The following AKAP13 variants were observed in gnomAD, a reference collection of about 807,000 sequenced individuals.
AKAP13 encodes the protein A-kinase anchor protein 13.
Under a neutral mutation model 264.5 loss-of-function variants are expected in AKAP13, and 80 were observed. That is an observed-to-expected ratio of 0.30 (90% CI 0.25 to 0.36). AKAP13 has a LOEUF of 0.36. Among genes scored for constraint, AKAP13 ranks in the 10% least tolerant of loss-of-function variants. The pLI is 1.00. For missense variants in AKAP13, 3,712 were observed against 3,435.2 expected (o/e 1.08, Z -2.01); for synonymous variants, 1,380 against 1,250.2 (o/e 1.10, Z -2.19).
chr15:85,389,633 G>A (rs933079217), intron 1 of AKAP13, among the ~76,000 whole-genome samples: 3 of 152,190 alleles, frequency 2.0e-5, no homozygotes, highest in African/African-American at 7.2e-5. Flanking sequence ...AAATAACAAA[G>A]AAGTATTTGT....
chr15:85,481,982 A>G (rs1254265545), intron 1 of AKAP13, among the ~76,000 whole-genome samples: 7 of 152,364 alleles, frequency 4.6e-5, no homozygotes, highest in Non-Finnish European at 2.9e-5. Flanking sequence ...AAAGACTTTC[A>G]GTTGTTCTTG....
At chr15:85,631,670 G>C (rs964431109) in intron 8 of AKAP13, among the ~76,000 whole-genome samples, 1 of 152,196 alleles carries the variant, frequency 6.6e-6, no homozygotes, top group Admixed American at 6.5e-5. Context: ...ACCAGTGTTG[G>C]TTTCTTAGTA....
At chr15:85,511,586 T>C (rs2076424063) in intron 2 of AKAP13, among the ~76,000 whole-genome samples, 2 of 152,204 alleles carry the variant, frequency 1.3e-5, no homozygotes, top group Admixed American at 1.3e-4. Flanking sequence ...TGAGGCTTAC[T>C]ATCTTCCAGT....
At position 85,574,517 on chromosome 15, in the gene AKAP13, TTTAAC is replaced by T. The variant is rs531706934; in HGVS notation, c.663-611_663-607del. ...TGCTTGTTTTTTAAATTTTACGAAT[TTTAAC>T]TTTAAGTTCTTGGAACCAAGTGCTT... On this transcript the variant is annotated intron_variant, in intron 5 of 36. Transcript: ENST00000394518. 7.2e-5 allele frequency among the ~76,000 whole-genome samples: 11 copies of T among 152,360 alleles called. No homozygotes were observed. The South Asian group carries it at 2.3e-3, about 32-fold the overall frequency.
intron 1 of AKAP13, chr15:85,415,603 C>T: frequency 2.1e-6 from 3 of 1,438,852 alleles, no homozygotes; most frequent in Non-Finnish European, 2.9e-6. Context: ...AACAGTGTCA[C>T]CTGTACTCGG....
At chr15:85,453,998 G>C (rs1332265346) in intron 1 of AKAP13, among the ~76,000 whole-genome samples, 2 of 152,254 alleles carry the variant, frequency 1.3e-5, no homozygotes, top group Non-Finnish European at 2.9e-5. Context: ...GAATGGCAAA[G>C]ATGGTGGCCC....
intron 10 of AKAP13, among the ~76,000 whole-genome samples, chr15:85,653,089 C>T (rs1009520859): frequency 6.6e-6 from 1 of 152,118 alleles, no homozygotes; most frequent in Admixed American, 6.5e-5. Context: ...AAAGTTGCCC[C>T]GTGAATAGGA....
chr15:85,694,188 T>G (rs947614385), intron 17 of AKAP13, among the ~76,000 whole-genome samples: 10 of 152,266 alleles, frequency 6.6e-5, no homozygotes, highest in African/African-American at 2.4e-4. Flanking sequence ...TTACCAACAT[T>G]AAGCCATAGT....
At chr15:85,723,051 G>T in intron 25 of AKAP13, 21 bp from the exon 26 acceptor site, 1 of 1,607,278 alleles carries the variant, frequency 6.2e-7, no homozygotes, top group South Asian at 1.1e-5. Flanking sequence ...ATAAAAAACA[G>T]AATTATTCTT....
chr15:85,412,735 A>C (rs139794417), intron 1 of AKAP13, among the ~76,000 whole-genome samples: 2 of 152,332 alleles, frequency 1.3e-5, no homozygotes, highest in African/African-American at 4.8e-5. Flanking sequence ...AAATAAGCTG[A>C]TCCTCATGAA....
intron 5 of AKAP13, among the ~76,000 whole-genome samples, chr15:85,555,204 C>T (rs1483895598): frequency 6.6e-6 from 1 of 152,148 alleles, no homozygotes; most frequent in Non-Finnish European, 1.5e-5. Context: ...CCCCCTACCC[C>T]TTTCTGGCAT....
rs1260286503 is a variant in AKAP13 at position 85,512,812 on chromosome 15, T to TG, written c.34-8616_34-8615insG. Among the ~76,000 whole-genome samples, 7 of 138,006 alleles carry TG rather than the reference T, an allele frequency of 5.1e-5. 1 individual carries two copies. The highest frequency in any genetic ancestry group is 1.1e-4 in the Non-Finnish European group (7 of 63,658). 90.5% of individuals were successfully genotyped at this position (138,006 alleles called of 152,430 possible). A position where few individuals can be genotyped will look rare whatever the true frequency, so the allele number is the denominator to read the frequency against. On this transcript the variant is annotated intron_variant, in intron 2 of 36. Coordinates refer to ENST00000394518, the MANE Select transcript of AKAP13 (RefSeq NM_007200.5). ...CCATGCTCCTACAGTGTTGACTATT[T>TG]TTATGTATGTATGTATGTATGTATG...
At chr15:85,597,579 G>T (rs999601032) in intron 8 of AKAP13, among the ~76,000 whole-genome samples, 1 of 152,116 alleles carries the variant, frequency 6.6e-6, no homozygotes, top group Non-Finnish European at 1.5e-5. Context: ...CTTTGTTGTG[G>T]TTGATGAGCT....
At chr15:85,633,109 G>A (rs553246174) in intron 8 of AKAP13, among the ~76,000 whole-genome samples, 1 of 152,032 alleles carries the variant, frequency 6.6e-6, no homozygotes, top group Admixed American at 6.6e-5. Flanking sequence ...CTTGTGATCC[G>A]CCTGCCTCGG....
chr15:85,610,061 T>C (rs2080534462), intron 8 of AKAP13, among the ~76,000 whole-genome samples: 1 of 152,202 alleles, frequency 6.6e-6, no homozygotes, highest in Admixed American at 6.5e-5. Context: ...ACAGGGCAAC[T>C]CACCTAAAAC....
chr15:85,593,478 C>T (rs1300060937), intron 8 of AKAP13, among the ~76,000 whole-genome samples: 1 of 151,720 alleles, frequency 6.6e-6, no homozygotes, highest in Non-Finnish European at 1.5e-5. Flanking sequence ...AAGTGATCCT[C>T]CTGCCTTGGC....
chr15:85,505,085 A>G (rs2076175384), intron 2 of AKAP13, among the ~76,000 whole-genome samples: 1 of 152,230 alleles, frequency 6.6e-6, no homozygotes, highest in Non-Finnish European at 1.5e-5. Flanking sequence ...AGAAGAACTT[A>G]CACTCTTACA....
chr15:85,685,025 TAAG>T (rs1403820898), intron 16 of AKAP13, 152 bp downstream of exon 16: 4 of 987,470 alleles, frequency 4.1e-6, no homozygotes, highest in Non-Finnish European at 4.3e-6. Flanking sequence ...AGGAAAATAA[TAAG>T]AAGAAAAATA....
chr15:85,668,024 A>G (rs1026313305), intron 13 of AKAP13, among the ~76,000 whole-genome samples: 1 of 152,044 alleles, frequency 6.6e-6, no homozygotes. Flanking sequence ...CTACTTACCC[A>G]TAGTTTTTAT....
Sources: allele counts gnomAD v4.1 joint callset (sites outside exome capture counted in the v4.1 genomes callset), GRCh38; gene constraint gnomAD v4.1.1; transcripts MANE v1.5; gene names NCBI Gene and HGNC (gene_info 2026-07-23, HGNC 2026-07-21).